Variants in ABCC8 observed in about 807,000 individuals in gnomAD.
ABCC8 encodes ATP-binding cassette sub-family C member 8.
ABCC8 carries 137 observed loss-of-function variants against 188.0 expected under a neutral mutation model. The ratio of observed to expected loss-of-function variants is 0.73; its 90% CI spans 0.63 to 0.84. The LOEUF (loss-of-function observed/expected upper bound fraction) is 0.84. ABCC8 is among the 40% of genes least tolerant of loss of function. The probability of loss-of-function intolerance (pLI) is 0.00; values close to 1 mark genes in which losing one functional copy is unlikely to be tolerated. For synonymous variants in ABCC8, 797 were observed against 846.5 expected (o/e 0.94, Z 1.01); for missense variants, 1,750 against 2,072.7 (o/e 0.84, Z 3.02).
chr11:17,452,302 T>C (rs1469788832), intron 7 of ABCC8, among the ~76,000 whole-genome samples: 1 of 152,152 alleles, frequency 6.6e-6, no homozygotes, highest in Non-Finnish European at 1.5e-5. Flanking sequence ...ACAGACCAAA[T>C]AGGTCACTCT....
intron 10 of ABCC8, among the ~76,000 whole-genome samples, chr11:17,433,657 G>A (rs1955949069): frequency 6.6e-6 from 1 of 152,188 alleles, no homozygotes; most frequent in African/African-American, 2.4e-5. Context: ...ATGCCCCTTA[G>A]GAGTTCTCAA....
chr11:17,475,745 A>G (rs1190852498), intron 1 of ABCC8, among the ~76,000 whole-genome samples: 1 of 152,174 alleles, frequency 6.6e-6, no homozygotes, highest in Non-Finnish European at 1.5e-5. Context: ...TTTTGTGACA[A>G]TCTTTCCTTT....
In ABCC8 at chr11:17,470,153, G is replaced by A. The variant is rs1374113973; in HGVS notation, c.360C>T (p.Ser120=). 2.5e-6 allele frequency: 4 copies of A among 1,614,030 alleles called. No individual in the cohort carries two copies. Among genetic ancestry groups the A allele is most frequent in the Non-Finnish European group, 3.4e-6 (4 of 1,180,046 alleles). Residue 120 remains serine (S), a synonymous_variant, in exon 3 of 39, where the codon TCC becomes TCT. Coordinates refer to ENST00000389817, the MANE Select transcript of ABCC8 (RefSeq NM_000352.6). The stretch of plus-strand genomic sequence containing the variant: ...TCTCGATGTTGTGATAGTAGACCAC[G>A]GAGGTGACAGCAGCCATGAACGCCA... The part of the protein sequence containing the change: ...AGMAFMAAVT[S]VVYYHNIETS...
chr11:17,449,665 T>C (rs1368092475), intron 7 of ABCC8, among the ~76,000 whole-genome samples: 1 of 152,256 alleles, frequency 6.6e-6, no homozygotes. Context: ...GGGTCTTAAA[T>C]GTCCTCAGGA....
intron 3 of ABCC8, among the ~76,000 whole-genome samples, chr11:17,465,917 C>T (rs1467037573): frequency 1.3e-5 from 2 of 152,108 alleles, no homozygotes; most frequent in African/African-American, 4.8e-5. Context: ...CTCAATGCAC[C>T]CATGTTCATA....
At chr11:17,416,866 T>C (rs2133487415) in intron 17 of ABCC8, 64 bp downstream of exon 17, 1 of 1,567,836 alleles carries the variant, frequency 6.4e-7, no homozygotes, top group Non-Finnish European at 8.8e-7. Context: ...CCACAAGTCC[T>C]CCACCCCCAC....
rs1321810156 is a variant in ABCC8, at chr11:17,406,642, C to A, written c.3309G>T (p.Arg1103=). 1.9e-6 allele frequency: 3 copies of A among 1,614,132 alleles called. No individual in the cohort carries two copies. Among genetic ancestry groups the A allele is most frequent in the Non-Finnish European group, 2.5e-6 (3 of 1,180,002 alleles). ...GGTACCTCATGGGGGCTAGGATGAT[C>A]CGGTTTAGCAGGCTGCGGTGCAGTC... ...AKRLHRSLLN[R]IILAPMRFFE... is the part of the protein sequence containing the mutation. Residue 1103 remains arginine, a synonymous_variant, in exon 26 of 39, where the codon CGG becomes CGT. Coordinates refer to ENST00000389817, the MANE Select transcript of ABCC8 (RefSeq NM_000352.6).
intron 36 of ABCC8, 72 bp from the exon 37 acceptor site, chr11:17,394,471 T>G (rs575273078): frequency 1.2e-6 from 2 of 1,610,408 alleles, no homozygotes; most frequent in South Asian, 2.2e-5. Context: ...ATGGGATGGC[T>G]TGGGGGGCTG....
chr11:17,403,567 G>A (rs1417247959), intron 28 of ABCC8, among the ~76,000 whole-genome samples: 2 of 152,192 alleles, frequency 1.3e-5, no homozygotes, highest in South Asian at 2.1e-4. Context: ...GCAGGTAATT[G>A]TGTCCAAAAT....
Position 17,404,595 on chromosome 11 carries a change from A to G in ABCC8, c.3474T>C (p.Tyr1158=), listed in dbSNP as rs1182240612. ...GGGCCACGAGGAACACAGGTGTGAC[A>G]TAGGAGATGACGGCCAGGGCTGAGA... ...LCVSALAVIS[Y]VTPVFLVALL... Residue 1158 remains tyrosine (Y), a synonymous_variant, in exon 28 of 39, where the codon TAT becomes TAC. Transcript: ENST00000389817. This position sits in a 1 kb window ranked among gnomAD's most constrained non-coding sequence, Gnocchi z 4.7. 6.2e-7 allele frequency: 1 copy of G among 1,613,942 alleles called. No homozygotes were observed. The highest frequency in any genetic ancestry group is 1.3e-5 in the African/African-American group (1 of 74,890).
At position 17,393,754 on chromosome 11, in the gene ABCC8, G is replaced by T. The variant is rs943028932; in HGVS notation, c.4551C>A (p.Asn1517Lys). ...ATASIDMATE[N>K]ILQKVVMTAF... ...CTGTCATCACCACCTTTTGGAGGAT[G>T]TTTTCCTGCCAAGTGGGGGCAACAG... is the stretch of plus-strand genomic sequence containing the variant. The change falls in exon 38 of 39, where the codon AAC (asparagine) becomes AAA (lysine). Residue 1517 changes from asparagine to lysine, a missense_variant. Transcript: ENST00000389817. The T allele has an allele frequency of 1.2e-6, 2 of 1,614,128 alleles. No individual in the cohort carries two copies. The highest frequency in any genetic ancestry group is 1.7e-6 in the Non-Finnish European group (2 of 1,179,956).
At chr11:17,397,475 G>C in intron 31 of ABCC8, 162 bp from the exon 32 acceptor site, 1 of 1,470,882 alleles carries the variant, frequency 6.8e-7, no homozygotes, top group Admixed American at 2.0e-5. Context: ...GCACAGGGAG[G>C]GTCAGTCATG....
chr11:17,413,214 C>T (rs1954900835), intron 20 of ABCC8, among the ~76,000 whole-genome samples, 180 bp downstream of exon 20: 1 of 152,222 alleles, frequency 6.6e-6, no homozygotes, highest in Non-Finnish European at 1.5e-5. Context: ...GCCCTCCAAG[C>T]AGGACTGAAA....
chr11:17,430,551 T>C, intron 12 of ABCC8: 1 of 512,108 alleles, frequency 2.0e-6, no homozygotes, highest in East Asian at 3.5e-5. Context: ...ACACTGGTTT[T>C]TTTTTTTTTT....
chr11:17,467,444 C>T lies in ABCC8; in HGVS notation c.412+2657G>A, dbSNP rs113172654. Among the ~76,000 whole-genome samples, 1,235 of 152,154 alleles carry T rather than the reference C, an allele frequency of 8.1e-3. 16 individuals carry two copies. Among genetic ancestry groups the T allele is most frequent in the African/African-American group, 0.028 (1,145 of 41,522 alleles). On this transcript the variant is annotated intron_variant, in intron 3 of 38. Transcript: ENST00000389817. ...CCAGCTCCCCTCCACTTTGCACCCA[C>T]GCCACTCTTCTTCTTCTGAATTTTC...
At chr11:17,447,815 ATGT>A (rs1956597094) in intron 8 of ABCC8, among the ~76,000 whole-genome samples, 1 of 152,166 alleles carries the variant, frequency 6.6e-6, no homozygotes, top group Non-Finnish European at 1.5e-5. Flanking sequence ...TAAAAGTATC[ATGT>A]TGTTGATTTC....
In ABCC8 at chr11:17,405,449, G is replaced by A. The variant is rs200276273; in HGVS notation, c.3399+45C>T. 42 of 1,613,462 alleles carry A rather than the reference G, an allele frequency of 2.6e-5. No individual in the cohort carries two copies. The African/African-American group carries it at 3.3e-4, about 13-fold the overall frequency. ...AGACAGGAGAAGCCCCCAGGGGTCC[G>A]AGGTGTCTCTGGAAGGGGGGATAGT... On this transcript the variant is annotated intron_variant, in intron 27 of 38. Coordinates refer to ENST00000389817, the MANE Select transcript of ABCC8 (RefSeq NM_000352.6).
chr11:17,453,369 GGCCATCATTATTACAAGACCCTC>G, intron 6 of ABCC8, 86 bp from the exon 7 acceptor site: 5 of 1,560,886 alleles, frequency 3.2e-6, no homozygotes, highest in Non-Finnish European at 4.4e-6. Flanking sequence ...AATGGACCAC[GGCCATCATTATTACAAGACCCTC>G]TGGGCTTGCA....
At chr11:17,408,681 C>A in intron 22 of ABCC8, 164 bp from the exon 23 acceptor site, 1 of 626,052 alleles carries the variant, frequency 1.6e-6, no homozygotes, top group Non-Finnish European at 2.0e-6. Context: ...TAACCTACCC[C>A]AACCAACATA....
Sources: allele counts gnomAD v4.1 joint callset (sites outside exome capture counted in the v4.1 genomes callset), GRCh38; gene constraint gnomAD v4.1.1; non-coding constraint Gnocchi (gnomAD v3.1); transcripts MANE v1.5; gene names NCBI Gene and HGNC (gene_info 2026-07-23, HGNC 2026-07-21).